HOXB6: variants seen among roughly 807,000 people sequenced by gnomAD.
HOXB6 encodes homeobox B6.
In HOXB6, 18 loss-of-function variants were observed where a neutral mutation model predicts 24.2. The observed-to-expected ratio is 0.74, with a 90% CI of 0.51 to 1.10. HOXB6 has a LOEUF of 1.10. Ranked by LOEUF, HOXB6 falls within the 50% of genes least tolerant of loss-of-function variation. HOXB6 has a pLI of 0.00. For missense variants in HOXB6, 332 were observed against 308.3 expected (o/e 1.08, Z -0.58); for synonymous variants, 159 against 139.1 (o/e 1.14, Z -1.01).
chr17:48,596,261 G>A lies in HOXB6; in HGVS notation c.*152C>T, dbSNP rs940538264. The A allele has an allele frequency of 2.5e-6, 3 of 1,208,986 alleles. No individual in the cohort carries two copies. Among genetic ancestry groups the A allele is most frequent in the South Asian group, 2.4e-5 (2 of 81,800 alleles). 74.9% of individuals were successfully genotyped at this position (1,208,986 alleles called of 1,614,324 possible). ...ACCCGCCGGGAGCTGTGCGGGCGGG[G>A]GCGTCCAGGAGAGCGCTGGGCCCCG... On this transcript the variant is annotated 3_prime_UTR_variant, in exon 4 of 4. Coordinates refer to ENST00000225648, the MANE Select transcript of HOXB6 (RefSeq NM_018952.5). This position sits in a 1 kb window ranked among gnomAD's most constrained non-coding sequence, Gnocchi z 4.8.
At chr17:48,599,747 AG>A (rs780719593) in intron 2 of HOXB6, among the ~76,000 whole-genome samples, 2 of 152,372 alleles carry the variant, frequency 1.3e-5, no homozygotes, top group East Asian at 3.9e-4. Context: ...CAGGCCAAGT[AG>A]TGAAGGGTGA....
Position 48,596,499 on chromosome 17 carries a change from G to C in HOXB6, c.589C>G (p.Arg197Gly). The change falls in exon 4 of 4, where the codon CGA becomes GGA. Residue 197 changes from arginine (R) to glycine (G), a missense_variant. By Grantham distance (125) the Arg-to-Gly change is moderately radical. Coordinates refer to ENST00000225648, the MANE Select transcript of HOXB6 (RefSeq NM_018952.5). This position sits in a 1 kb window ranked among gnomAD's most constrained non-coding sequence, Gnocchi z 4.8. ...ERQIKIWFQN[R>G]RMKWKKESKL... ...CTCTCCTTTTTCCACTTCATGCGTC[G>C]GTTCTGGAACCATATCTTGATCTGC... 1 of 1,614,226 alleles carries C rather than the reference G, an allele frequency of 6.2e-7. No individual in the cohort carries two copies. The highest frequency in any genetic ancestry group is 2.2e-5 in the East Asian group (1 of 44,888).
intron 2 of HOXB6, chr17:48,600,410 T>G (rs1292795740): frequency 4.4e-6 from 2 of 452,804 alleles, no homozygotes; most frequent in Admixed American, 4.8e-5. Flanking sequence ...GCCTTATCTT[T>G]AGAGTCACAG....
intron 2 of HOXB6, chr17:48,603,709 AC>A (rs1178674231): frequency 6.6e-6 from 1 of 152,174 alleles, no homozygotes; most frequent in Non-Finnish European, 1.5e-5. Flanking sequence ...AACAGCTGTA[AC>A]CTACCGCATT....
In HOXB6 at chr17:48,596,895, G is replaced by A; in HGVS notation, c.416-223C>T. 5 of 1,336,184 alleles carry A rather than the reference G, an allele frequency of 3.7e-6. No individual in the cohort carries two copies. The highest frequency in any genetic ancestry group is 4.9e-6 in the Non-Finnish European group (5 of 1,012,666). 82.8% of individuals were successfully genotyped at this position (1,336,184 alleles called of 1,614,324 possible). ...CTCTAGATGGGGGAGGGGAGGAGCA[G>A]TTTGAACTCCCACCTGAGCCTGGGG... On this transcript the variant is annotated intron_variant, in intron 3 of 3. Coordinates refer to ENST00000225648, the MANE Select transcript of HOXB6 (RefSeq NM_018952.5). The surrounding 1 kb of genome is among the most constrained non-coding windows in gnomAD (Gnocchi z 4.8).
Position 48,597,827 on chromosome 17 carries a change from G to A in HOXB6, c.324C>T (p.Cys108=), listed in dbSNP as rs200398618. ...CGCCGAACACGCTCTTGTCCTGCGC[G>A]CAGTCCGACTTCCGCGGCTCGGGGT... ...PFHPEPRKSD[C]AQDKSVFGET... Residue 108 remains cysteine, a synonymous_variant, in exon 3 of 4, where the codon TGC becomes TGT. Transcript: ENST00000225648. 3.0e-5 allele frequency: 48 copies of A among 1,604,562 alleles called. No homozygotes were observed. The highest frequency in any genetic ancestry group is 4.1e-5 in the Non-Finnish European group (48 of 1,175,032).
intron 2 of HOXB6, among the ~76,000 whole-genome samples, chr17:48,598,788 C>T (rs2070387345): frequency 6.6e-6 from 1 of 152,210 alleles, no homozygotes; most frequent in African/African-American, 2.4e-5. Context: ...AAGAAACACC[C>T]TCCTCCCCAG....
In HOXB6 at chr17:48,597,787, T is replaced by C; in HGVS notation, c.364A>G (p.Lys122Glu). ...CACGGGTAGACCGGAGTGGAGCACT[T>C]CTGCTCTTCTGTCTCGCCGAACACG... The part of the protein sequence containing the change: ...KSVFGETEEQ[K>E]CSTPVYPWMQ... Residue 122 changes from lysine to glutamate, a missense_variant, in exon 3 of 4, where the codon AAG becomes GAG. Physicochemically the swap from Lys to Glu is moderately conservative, Grantham distance 56. Coordinates refer to ENST00000225648, the MANE Select transcript of HOXB6 (RefSeq NM_018952.5). 6.2e-7 allele frequency: 1 copy of C among 1,612,018 alleles called. No individual in the cohort carries two copies. The highest frequency in any genetic ancestry group is 8.5e-7 in the Non-Finnish European group (1 of 1,179,164).
At chr17:48,600,991 C>CGTGTCT (rs1555645438) in intron 2 of HOXB6, among the ~76,000 whole-genome samples, 2 of 145,660 alleles carry the variant, frequency 1.4e-5, no homozygotes, top group Admixed American at 1.4e-4. Flanking sequence ...GGGATATTTG[C>CGTGTCT]GTGTGTGTGT....
In HOXB6 at chr17:48,596,341, C is replaced by T. The variant is rs527994955; in HGVS notation, c.*72G>A. Reference sequence around the variant, plus strand: ...GCTCCCCCACCCGAGAGCCTTCCTTCCCGGGTCTCTCTGACGCCCTCGGCT... The same window carrying T: ...GCTCCCCCACCCGAGAGCCTTCCTTTCCGGGTCTCTCTGACGCCCTCGGCT... On this transcript the variant is annotated 3_prime_UTR_variant, in exon 4 of 4. Coordinates refer to ENST00000225648, the MANE Select transcript of HOXB6 (RefSeq NM_018952.5). This position sits in a 1 kb window ranked among gnomAD's most constrained non-coding sequence, Gnocchi z 4.8. 20 of 1,609,386 alleles carry T rather than the reference C, an allele frequency of 1.2e-5. No homozygotes were observed. The highest frequency in any genetic ancestry group is 1.6e-5 in the Non-Finnish European group (19 of 1,176,260).
chr17:48,597,655 G>T, intron 3 of HOXB6, 81 bp downstream of exon 3: 2 of 1,440,068 alleles, frequency 1.4e-6, no homozygotes, highest in Non-Finnish European at 9.6e-7. Flanking sequence ...GGAGATTGGG[G>T]CAGGGGGCGC....
intron 2 of HOXB6, chr17:48,600,599 G>A (rs1464747838): frequency 8.8e-6 from 4 of 452,338 alleles, no homozygotes; most frequent in South Asian, 1.6e-5. Context: ...AAGAGCAGGC[G>A]GGCAGGGCAG....
At chr17:48,598,312 C>T (rs1211093949) in intron 2 of HOXB6, 84 bp from the exon 3 acceptor site, 1 of 708,110 alleles carries the variant, frequency 1.4e-6, no homozygotes, top group Non-Finnish European at 2.3e-6. Context: ...ATACAACCAT[C>T]TGATCCAACA....
chr17:48,600,836 C>A (rs182522281), intron 2 of HOXB6, among the ~76,000 whole-genome samples: 6 of 152,208 alleles, frequency 3.9e-5, no homozygotes, highest in Non-Finnish European at 8.8e-5. Flanking sequence ...TGTACAGATA[C>A]CCCACAGGCA....
At chr17:48,597,701 G>T in intron 3 of HOXB6, 35 bp downstream of exon 3, 1 of 1,603,424 alleles carries the variant, frequency 6.2e-7, no homozygotes, top group Non-Finnish European at 8.5e-7. Context: ...GCGCCCAGGG[G>T]AGCCGGGGCG....
rs750665681 is a variant in HOXB6 at position 48,597,890 on chromosome 17, G to A, written c.261C>T (p.Ala87=). The part of the protein sequence containing the change: ...APAFYREKES[A]CALSGADEQP... ...GCTCGTCGGCGCCGGAGAGTGCGCAGGCCGACTCTTTCTCGCGGTAGAAGG... is the reference window on the plus strand; with the variant it reads ...GCTCGTCGGCGCCGGAGAGTGCGCAAGCCGACTCTTTCTCGCGGTAGAAGG... The change falls in exon 3 of 4, where the codon GCC becomes GCT. Residue 87 remains alanine (A), a synonymous_variant. Coordinates refer to ENST00000225648, the MANE Select transcript of HOXB6 (RefSeq NM_018952.5). 1 of 1,587,204 alleles carries A rather than the reference G, an allele frequency of 6.3e-7. No homozygotes were observed. Among genetic ancestry groups the A allele is most frequent in the Non-Finnish European group, 8.6e-7 (1 of 1,166,242 alleles).
At chr17:48,602,400 G>T (rs772342270) in intron 2 of HOXB6, 14 of 365,848 alleles carry the variant, frequency 3.8e-5, no homozygotes, top group Non-Finnish European at 7.0e-5. Context: ...TGGGGATGGC[G>T]GTGGGGGTGT....
Position 48,596,209 on chromosome 17 carries a change from T to G in HOXB6, c.*204A>C, listed in dbSNP as rs2070282150. The stretch of plus-strand genomic sequence containing the variant: ...AAGGAAGGGCGCGCGGGATGCTGGG[T>G]GGGCTCGAGTAGTGAGGCCTCAGAG... On this transcript the variant is annotated 3_prime_UTR_variant, in exon 4 of 4. Transcript: ENST00000225648. This position sits in a 1 kb window ranked among gnomAD's most constrained non-coding sequence, Gnocchi z 4.8. 5 of 756,360 alleles carry G rather than the reference T, an allele frequency of 6.6e-6. No individual in the cohort carries two copies. The highest frequency in any genetic ancestry group is 9.3e-6 in the Non-Finnish European group (4 of 430,910). The allele number at this position is 756,360 out of a possible 1,614,324, so 46.9% of individuals were successfully genotyped here.
At position 48,598,227 on chromosome 17, in the gene HOXB6, G is replaced by A. The variant is rs1313671574; in HGVS notation, c.-77C>T. On this transcript the variant is annotated splice_region_variant and 5_prime_UTR_variant, in exon 3 of 4. Transcript: ENST00000225648. ...TTGTGTTTTATAGTCCGAGCGCCGCGCCTATTAGTAGTATATCCGAGATTG... is the reference window on the plus strand; with the variant it reads ...TTGTGTTTTATAGTCCGAGCGCCGCACCTATTAGTAGTATATCCGAGATTG... 7.1e-7 allele frequency: 1 copy of A among 1,414,124 alleles called. No individual in the cohort carries two copies. The allele number at this position is 1,414,124 out of a possible 1,614,324, so 87.6% of individuals were successfully genotyped here. A position where few individuals can be genotyped will look rare whatever the true frequency, so the allele number is the denominator to read the frequency against.
Sources: gnomAD v4.1 joint callset for allele counts (sites outside exome capture counted in the v4.1 genomes callset) on GRCh38, gnomAD v4.1.1 for gene constraint, Gnocchi (gnomAD v3.1) non-coding constraint, MANE v1.5 for transcripts, NCBI Gene and HGNC (gene_info 2026-07-23, HGNC 2026-07-21) for gene names.